Variants in NYAP1 observed in about 807,000 individuals in gnomAD.
NYAP1 encodes neuronal tyrosine-phosphorylated phosphoinositide-3-kinase adapter 1.
In NYAP1, 20 loss-of-function variants were observed where a neutral mutation model predicts 58.6. The observed-to-expected ratio is 0.34, with a 90% CI of 0.24 to 0.50. NYAP1 has a LOEUF of 0.50. Among genes scored for constraint, NYAP1 ranks in the 20% least tolerant of loss-of-function variants. The pLI is 0.98. For missense variants in NYAP1, 1,150 were observed against 1,194.5 expected, an observed-to-expected ratio of 0.96 and a Z score of 0.55; for synonymous variants, 572 against 523.1, an observed-to-expected ratio of 1.09 and a Z score of -1.27.
At position 100,489,256 on chromosome 7, in the gene NYAP1, G is replaced by A. The variant is rs1799756665; in HGVS notation, c.1535G>A (p.Ser512Asn). The A allele has an allele frequency of 6.2e-7, 1 of 1,603,140 alleles. No homozygotes were observed. The highest frequency in any genetic ancestry group is 1.3e-5 in the African/African-American group (1 of 74,702). The part of the protein sequence containing the change: ...SSRPPVPGKT[S>N]PHGGAMGAAA... ...AGGCCCCCTGTGCCAGGGAAGACCAGCCCCCACGGTGGGGCCATGGGCGCA... is the reference window on the plus strand; with the variant it reads ...AGGCCCCCTGTGCCAGGGAAGACCAACCCCCACGGTGGGGCCATGGGCGCA... Residue 512 changes from serine to asparagine, a missense_variant, in exon 4 of 7, where the codon AGC (serine) becomes AAC (asparagine). By Grantham distance (46) the Ser-to-Asn change is conservative. Coordinates refer to ENST00000300179, the MANE Select transcript of NYAP1 (RefSeq NM_173564.4).
At position 100,490,689 on chromosome 7, in the gene NYAP1, C is replaced by T. The variant is rs1319060764; in HGVS notation, c.2118C>T (p.Pro706=). The T allele has an allele frequency of 1.0e-5, 16 of 1,538,762 alleles. No individual in the cohort carries two copies. Among genetic ancestry groups the T allele is most frequent in the Non-Finnish European group, 1.3e-5 (15 of 1,140,086 alleles). The change falls in exon 5 of 7, where the codon CCC becomes CCT. Residue 706 remains proline (P), a synonymous_variant. Transcript: ENST00000300179. This position sits in a 1 kb window ranked among gnomAD's most constrained non-coding sequence, Gnocchi z 4.6. ...GAGGAGGGAGCCGCACCGCGCTGCC[C>T]ATTCCCTGCCAGACCTTCCCCGCCT... is the stretch of plus-strand genomic sequence containing the variant. ...GDRGGSRTAL[P]IPCQTFPACH... is the part of the protein sequence containing the mutation.
rs1799701751 is a variant in NYAP1, at chr7:100,486,333, C to T, written c.69-488C>T. ...AAGGATGGGCCAGGGAGGGAGGCTG[C>T]TCTGGTCCTGGAGGGGCACATCCTG... On this transcript the variant is annotated intron_variant, in intron 2 of 6. Transcript: ENST00000300179. This position sits in a 1 kb window ranked among gnomAD's most constrained non-coding sequence, Gnocchi z 6.2. Among the ~76,000 whole-genome samples, 1 of 152,050 alleles carries T rather than the reference C, an allele frequency of 6.6e-6. No homozygotes were observed. Among genetic ancestry groups the T allele is most frequent in the Non-Finnish European group, 1.5e-5 (1 of 67,990 alleles).
At position 100,489,609 on chromosome 7, in the gene NYAP1, G is replaced by T. The variant is rs780012281; in HGVS notation, c.1888G>T (p.Gly630Cys). ...GGTGGGCGCCGCGACATTTGGGGCA[G>T]GCTGGGCCCTGCAGAGGAAGGTCCT... ...EEVGAATFGA[G>C]WALQRKVLYG... Residue 630 changes from glycine to cysteine, a missense_variant, in exon 4 of 7, where the codon GGC becomes TGC. Gly to Cys is a radical substitution (Grantham distance 159). Coordinates refer to ENST00000300179, the MANE Select transcript of NYAP1 (RefSeq NM_173564.4). 4.3e-6 allele frequency: 7 copies of T among 1,612,610 alleles called. No homozygotes were observed. The Admixed American group carries it at 1.2e-4, about 27-fold the overall frequency.
In NYAP1 at chr7:100,489,534, T is replaced by C. The variant is rs774252803; in HGVS notation, c.1813T>C (p.Cys605Arg). The C allele has an allele frequency of 6.2e-7, 1 of 1,613,408 alleles. No homozygotes were observed. Among genetic ancestry groups the C allele is most frequent in the South Asian group, 1.1e-5 (1 of 91,082 alleles). Residue 605 changes from cysteine to arginine, a missense_variant, in exon 4 of 7, where the codon TGT becomes CGT. Coordinates refer to ENST00000300179, the MANE Select transcript of NYAP1 (RefSeq NM_173564.4). ...TDGGAFASIS[C>R]AHVIASAGTP... ...TGGGGGTGCTTTTGCCAGCATCTCC[T>C]GTGCCCACGTCATCGCCAGCGCAGG... is the stretch of plus-strand genomic sequence containing the variant.
chr7:100,488,960 G>C lies in NYAP1; in HGVS notation c.1239G>C (p.Gln413His). ...GCCACTCGACACCGTTGCCACCCCA[G>C]GGCTCTGGCCAGCCCCGGGGGGAGC... ...ARSHSTPLPP[Q>H]GSGQPRGERE... Residue 413 changes from glutamine to histidine, a missense_variant, in exon 4 of 7, where the codon CAG (glutamine) becomes CAC (histidine). By Grantham distance (24) the Gln-to-His change is conservative. Coordinates refer to ENST00000300179, the MANE Select transcript of NYAP1 (RefSeq NM_173564.4). The surrounding 1 kb of genome is among the most constrained non-coding windows in gnomAD (Gnocchi z 5.9). The C allele has an allele frequency of 1.9e-6, 3 of 1,574,650 alleles. No individual in the cohort carries two copies. Among genetic ancestry groups the C allele is most frequent in the Non-Finnish European group, 1.7e-6 (2 of 1,167,644 alleles).
Position 100,494,143 on chromosome 7 carries a change from G to A in NYAP1, c.*240G>A, listed in dbSNP as rs944343044. ...GGGTTTGCTTGAGGTTGGGGCGAGAGTCGCTCTGGCTGTTCTTCCCGCTGG... is the reference window on the plus strand; with the variant it reads ...GGGTTTGCTTGAGGTTGGGGCGAGAATCGCTCTGGCTGTTCTTCCCGCTGG... On this transcript the variant is annotated 3_prime_UTR_variant, in exon 7 of 7. Transcript: ENST00000300179. 4.3e-6 allele frequency: 2 copies of A among 470,414 alleles called. No homozygotes were observed. The highest frequency in any genetic ancestry group is 7.4e-6 in the Non-Finnish European group (2 of 269,838). 29.1% of individuals were successfully genotyped at this position (470,414 alleles called of 1,614,324 possible).
intron 6 of NYAP1, among the ~76,000 whole-genome samples, chr7:100,492,954 AAGAG>A (rs1304537663): frequency 6.6e-6 from 1 of 151,956 alleles, no homozygotes; most frequent in Non-Finnish European, 1.5e-5. Context: ...GAAGGAGAGA[AAGAG>A]AGAAAGAAAG....
In NYAP1 at chr7:100,488,132, C is replaced by T. The variant is rs760929236; in HGVS notation, c.431-20C>T. 6.5e-6 allele frequency: 10 copies of T among 1,534,540 alleles called. No individual in the cohort carries two copies. The South Asian group carries it at 1.1e-4, about 18-fold the overall frequency. ...CTCATTAAAAGCCTGGTTTATTTTT[C>T]TCTTTCTTGTCCTGTCCAGGCTCAC... On this transcript the variant is annotated intron_variant, in intron 3 of 6. Coordinates refer to ENST00000300179, the MANE Select transcript of NYAP1 (RefSeq NM_173564.4). The surrounding 1 kb of genome is among the most constrained non-coding windows in gnomAD (Gnocchi z 5.9).
In NYAP1 at chr7:100,493,636, C is replaced by A; in HGVS notation, c.2269-10C>A. The A allele has an allele frequency of 6.4e-7, 1 of 1,562,850 alleles. No individual in the cohort carries two copies. Among genetic ancestry groups the A allele is most frequent in the East Asian group, 2.3e-5 (1 of 42,854 alleles). On this transcript the variant is annotated splice_polypyrimidine_tract_variant and intron_variant, in intron 6 of 6. Transcript: ENST00000300179. The stretch of plus-strand genomic sequence containing the variant: ...CCCGCGTTTTCCTTTCTCCCCCGCC[C>A]GCGGCACAGCCCCACCCCGCGCTGC...
At chr7:100,493,294 G>T (rs776640955) in intron 6 of NYAP1, among the ~76,000 whole-genome samples, 13 of 152,188 alleles carry the variant, frequency 8.5e-5, no homozygotes, top group Non-Finnish European at 1.6e-4. Context: ...CCAGGAGGTC[G>T]AGGCTGCAGT....
chr7:100,488,917 C>T lies in NYAP1; in HGVS notation c.1196C>T (p.Pro399Leu). Residue 399 changes from proline (P) to leucine (L), a missense_variant, in exon 4 of 7, where the codon CCA becomes CTA. Transcript: ENST00000300179. The surrounding 1 kb of genome is among the most constrained non-coding windows in gnomAD (Gnocchi z 5.9). ...GCTGCCAACCTGCTGCTGCTGGGAC[C>T]ATCGGGCCGGGCCCGGAGCCACTCG... ...PPAANLLLLG[P>L]SGRARSHSTP... is the part of the protein sequence containing the mutation. 6.3e-7 allele frequency: 1 copy of T among 1,587,896 alleles called. No individual in the cohort carries two copies. The highest frequency in any genetic ancestry group is 8.5e-7 in the Non-Finnish European group (1 of 1,171,730).
Position 100,493,630 on chromosome 7 carries a change from C to G in NYAP1, c.2269-16C>G. 3.9e-6 allele frequency: 6 copies of G among 1,556,958 alleles called. No individual in the cohort carries two copies. The highest frequency in any genetic ancestry group is 5.2e-6 in the Non-Finnish European group (6 of 1,159,922). On this transcript the variant is annotated splice_polypyrimidine_tract_variant and intron_variant, in intron 6 of 6. Transcript: ENST00000300179. ...ACCTTACCCGCGTTTTCCTTTCTCC[C>G]CCGCCCGCGGCACAGCCCCACCCCG... is the stretch of plus-strand genomic sequence containing the variant.
intron 6 of NYAP1, among the ~76,000 whole-genome samples, chr7:100,491,968 A>G (rs1799801467): frequency 6.6e-6 from 1 of 152,174 alleles, no homozygotes; most frequent in Non-Finnish European, 1.5e-5. Flanking sequence ...AATCGCCTGA[A>G]CCCGGGAGAC....
rs1351695965 is a variant in NYAP1, at chr7:100,489,361, C to G, written c.1640C>G (p.Pro547Arg). 3 of 1,612,210 alleles carry G rather than the reference C, an allele frequency of 1.9e-6. No homozygotes were observed. The highest frequency in any genetic ancestry group is 1.1e-5 in the South Asian group (1 of 91,030). Reference sequence around the variant, plus strand: ...GACCCAACTGTAGGCCCCCTGACCCCGCTGTGGACCTACCCAGCCACAGCA... The same window carrying G: ...GACCCAACTGTAGGCCCCCTGACCCGGCTGTGGACCTACCCAGCCACAGCA... ...LPDPTVGPLT[P>R]LWTYPATAAG... is the part of the protein sequence containing the mutation. The change falls in exon 4 of 7, where the codon CCG becomes CGG. Residue 547 changes from proline to arginine, a missense_variant. Coordinates refer to ENST00000300179, the MANE Select transcript of NYAP1 (RefSeq NM_173564.4).
In NYAP1 at chr7:100,488,135, T is replaced by A; in HGVS notation, c.431-17T>A. 6.5e-7 allele frequency: 1 copy of A among 1,538,316 alleles called. No homozygotes were observed. Among genetic ancestry groups the A allele is most frequent in the South Asian group, 1.3e-5 (1 of 79,482 alleles). On this transcript the variant is annotated splice_polypyrimidine_tract_variant and intron_variant, in intron 3 of 6. Transcript: ENST00000300179. The surrounding 1 kb of genome is among the most constrained non-coding windows in gnomAD (Gnocchi z 5.9). Reference sequence around the variant, plus strand: ...ATTAAAAGCCTGGTTTATTTTTCTCTTTCTTGTCCTGTCCAGGCTCACAGA... The same window carrying A: ...ATTAAAAGCCTGGTTTATTTTTCTCATTCTTGTCCTGTCCAGGCTCACAGA...
At chr7:100,491,442 C>T (rs1207470809) in intron 6 of NYAP1, among the ~76,000 whole-genome samples, 2 of 151,988 alleles carry the variant, frequency 1.3e-5, no homozygotes, top group African/African-American at 4.8e-5. Context: ...ATAAAAAATG[C>T]AAAATGTAGT....
At position 100,487,245 on chromosome 7, in the gene NYAP1, CG is replaced by C; in HGVS notation, c.430+67del. 1.4e-6 allele frequency: 2 copies of C among 1,433,164 alleles called. No individual in the cohort carries two copies. Among genetic ancestry groups the C allele is most frequent in the Admixed American group, 5.5e-5 (2 of 36,238 alleles). The allele number at this position is 1,433,164 out of a possible 1,614,324, so 88.8% of individuals were successfully genotyped here. On this transcript the variant is annotated intron_variant, in intron 3 of 6. Transcript: ENST00000300179. The surrounding 1 kb of genome is among the most constrained non-coding windows in gnomAD (Gnocchi z 4.1). ...GAGCTGGGAGGATCTATTCCACGCC[CG>C]GGGAGGCTTGCCGGGAGGGTTCATT...
intron 4 of NYAP1, among the ~76,000 whole-genome samples, chr7:100,489,914 G>C (rs1231080040): frequency 6.6e-6 from 1 of 152,064 alleles, no homozygotes; most frequent in East Asian, 1.9e-4. Flanking sequence ...GTCCTGCTCT[G>C]CTCCCTGCCC....
At chr7:100,484,862 CTCTG>C (rs1024924940) in intron 1 of NYAP1, among the ~76,000 whole-genome samples, 3 of 151,974 alleles carry the variant, frequency 2.0e-5, no homozygotes, top group Non-Finnish European at 2.9e-5. Flanking sequence ...GCGTCTGGTC[CTCTG>C]TCTGTAGATG....
Sources: allele counts gnomAD v4.1 joint callset (sites outside exome capture counted in the v4.1 genomes callset), GRCh38; gene constraint gnomAD v4.1.1; non-coding constraint Gnocchi (gnomAD v3.1); transcripts MANE v1.5; gene names NCBI Gene and HGNC (gene_info 2026-07-23, HGNC 2026-07-21).